EFCAB14: variants seen among roughly 807,000 people sequenced by gnomAD.
EFCAB14 encodes the protein EF-hand calcium binding domain 14.
A neutral mutation model predicts 56.5 loss-of-function variants in EFCAB14; 43 were observed. The ratio of observed to expected loss-of-function variants is 0.76; its 90% confidence interval spans 0.60 to 0.98. The LOEUF (loss-of-function observed/expected upper bound fraction) is 0.98. Among genes scored for constraint, EFCAB14 ranks in the 50% least tolerant of loss-of-function variants. EFCAB14 has a pLI of 0.00. For synonymous variants in EFCAB14, 235 were observed against 212.9 expected, an observed-to-expected ratio of 1.10 and a Z score of -0.90; for missense variants, 538 against 580.3, an observed-to-expected ratio of 0.93 and a Z score of 0.75.
intron 10 of EFCAB14, among the ~76,000 whole-genome samples, chr1:46,679,632 G>GTTTT (rs1676759195): frequency 6.2e-5 from 2 of 32,008 alleles, no homozygotes; most frequent in African/African-American, 8.1e-5. Flanking sequence ...TTTTTTTTTG[G>GTTTT]TGGAGTCTTA....
intron 2 of EFCAB14, 59 bp downstream of exon 2, chr1:46,716,236 A>G: frequency 6.7e-7 from 1 of 1,488,162 alleles, no homozygotes; most frequent in Non-Finnish European, 8.9e-7. Flanking sequence ...GCGACAGAGC[A>G]AGACCCTGTC....
chr1:46,682,855 C>T (rs1210191225), intron 10 of EFCAB14, among the ~76,000 whole-genome samples: 1 of 152,192 alleles, frequency 6.6e-6, no homozygotes, highest in Admixed American at 6.5e-5. Flanking sequence ...GAAACCCTAT[C>T]TTTACTAAAA....
intron 3 of EFCAB14, among the ~76,000 whole-genome samples, chr1:46,700,682 A>T (rs940732437): frequency 3.9e-5 from 6 of 152,226 alleles, no homozygotes; most frequent in African/African-American, 1.4e-4. Context: ...GAAATCTTAT[A>T]AAATAGCTCA....
rs751011304 is a variant in EFCAB14, at chr1:46,696,551, C to G, written c.579G>C (p.Lys193Asn). 2.5e-6 allele frequency: 4 copies of G among 1,613,052 alleles called. No homozygotes were observed. The South Asian group carries it at 4.4e-5, about 18-fold the overall frequency. ...SLPTTVEGLQ[K>N]SVASIGNTLN... ...CTCTGTACCCACACATGGCACCTAC[C>G]TTCTGAAGTCCCTCTACAGTGGTAG... Residue 193 changes from lysine to asparagine, a missense_variant and splice_region_variant, in exon 4 of 11, where the codon AAG (lysine) becomes AAC (asparagine). By Grantham distance (94) the Lys-to-Asn change is moderately conservative (BLOSUM62 0). Coordinates refer to ENST00000371933, the MANE Select transcript of EFCAB14 (RefSeq NM_014774.3).
chr1:46,683,453 A>C (rs774432217), intron 9 of EFCAB14, 28 bp from the exon 10 acceptor site: 1 of 1,600,878 alleles, frequency 6.2e-7, no homozygotes, highest in South Asian at 1.1e-5. Context: ...GGTTTTATTT[A>C]GTATTATTGA....
In EFCAB14 at chr1:46,690,510, C is replaced by T. The variant is rs951043053; in HGVS notation, c.691-819G>A. Among the ~76,000 whole-genome samples, 14 of 151,686 alleles carry T rather than the reference C, an allele frequency of 9.2e-5. 1 individual carries two copies. The East Asian group carries it at 2.7e-3, about 29-fold the overall frequency. On this transcript the variant is annotated intron_variant, in intron 5 of 10. Transcript: ENST00000371933. The stretch of plus-strand genomic sequence containing the variant: ...TTTTTATAAGAAAACCAAAAGGCAA[C>T]AATAAAGAGAAAAGGAGGAGAGAAG...
chr1:46,710,188 C>T, intron 2 of EFCAB14, among the ~76,000 whole-genome samples: 1 of 152,164 alleles, frequency 6.6e-6, no homozygotes, highest in East Asian at 1.9e-4. Context: ...TAATGACAGA[C>T]TTCCTACATG....
intron 3 of EFCAB14, among the ~76,000 whole-genome samples, chr1:46,699,533 A>G (rs1677124780): frequency 6.8e-6 from 1 of 147,626 alleles, no homozygotes; most frequent in Non-Finnish European, 1.5e-5. Context: ...GAGAATTAAC[A>G]CTCTGTGTCT....
intron 1 of EFCAB14, 123 bp from the exon 2 acceptor site, chr1:46,716,566 G>C: frequency 9.0e-7 from 1 of 1,107,718 alleles, no homozygotes; most frequent in East Asian, 2.6e-5. Flanking sequence ...GAATTAACCA[G>C]GGGAGGCAGG....
chr1:46,695,852 A>C (rs1677071188), intron 4 of EFCAB14, among the ~76,000 whole-genome samples: 1 of 151,912 alleles, frequency 6.6e-6, no homozygotes, highest in Non-Finnish European at 1.5e-5. Context: ...GCTAACTTTA[A>C]AATTTTTTGT....
intron 9 of EFCAB14, among the ~76,000 whole-genome samples, chr1:46,683,657 A>G (rs556664801): frequency 1.3e-5 from 2 of 152,230 alleles, no homozygotes; most frequent in Non-Finnish European, 2.9e-5. Flanking sequence ...CAGCAGTCCC[A>G]TTAGAAGATC....
At chr1:46,696,194 A>C (rs542854887) in intron 4 of EFCAB14, among the ~76,000 whole-genome samples, 1 of 151,896 alleles carries the variant, frequency 6.6e-6, no homozygotes, top group African/African-American at 2.4e-5. Context: ...GCTTTGATGA[A>C]GATATTGTGA....
intron 3 of EFCAB14, among the ~76,000 whole-genome samples, chr1:46,704,796 G>A (rs1255451978): frequency 6.6e-6 from 1 of 151,886 alleles, no homozygotes; most frequent in Non-Finnish European, 1.5e-5. Context: ...TAAAACCAGA[G>A]GTTTCATGAA....
Position 46,677,402 on chromosome 1 carries a change from C to T in EFCAB14, c.*1059G>A, listed in dbSNP as rs1160201421. The T allele has an allele frequency of 6.6e-6, 1 of 152,114 alleles. No individual in the cohort carries two copies. 9.4% of individuals were successfully genotyped at this position (152,114 alleles called of 1,614,324 possible). A position where few individuals can be genotyped will look rare whatever the true frequency, so the allele number is the denominator to read the frequency against. ...ATCCCCCAGAGAAACATATTAGGCTCTTGGTTAGCCTCTAGGTAAAATCTC... is the reference window on the plus strand; with the variant it reads ...ATCCCCCAGAGAAACATATTAGGCTTTTGGTTAGCCTCTAGGTAAAATCTC... On this transcript the variant is annotated 3_prime_UTR_variant, in exon 11 of 11. Coordinates refer to ENST00000371933, the MANE Select transcript of EFCAB14 (RefSeq NM_014774.3).
At chr1:46,715,123 C>T (rs367581692) in intron 2 of EFCAB14, among the ~76,000 whole-genome samples, 1 of 152,170 alleles carries the variant, frequency 6.6e-6, no homozygotes, top group South Asian at 2.1e-4. Context: ...AGAAATCTAT[C>T]AGTCCTTGCT....
In EFCAB14 at chr1:46,718,236, A is replaced by C. The variant is rs557508830; in HGVS notation, c.-149T>G. 1.4e-6 allele frequency: 1 copy of C among 690,258 alleles called. No homozygotes were observed. The highest frequency in any genetic ancestry group is 2.4e-6 in the Non-Finnish European group (1 of 418,954). 42.8% of individuals were successfully genotyped at this position (690,258 alleles called of 1,614,324 possible). On this transcript the variant is annotated 5_prime_UTR_variant, in exon 1 of 11. Transcript: ENST00000371933. ...TCACTCCCACCTAGGGGTGGGACTG[A>C]CCAGATCCGCCAGGGACTGGAGATT... is the stretch of plus-strand genomic sequence containing the variant.
At chr1:46,688,622 C>G (rs1676928614) in intron 6 of EFCAB14, 78 bp from the exon 7 acceptor site, 2 of 1,233,058 alleles carry the variant, frequency 1.6e-6, no homozygotes, top group African/African-American at 3.0e-5. Context: ...ACCGAACAAC[C>G]ATTACTATGT....
intron 7 of EFCAB14, 159 bp from the exon 8 acceptor site, chr1:46,687,029 G>A: frequency 1.5e-6 from 1 of 651,050 alleles, no homozygotes; most frequent in Non-Finnish European, 2.6e-6. Context: ...TGGGAGGAGA[G>A]AGGGAGAAAG....
intron 3 of EFCAB14, among the ~76,000 whole-genome samples, chr1:46,702,394 G>A (rs1411352382): frequency 1.3e-5 from 2 of 152,184 alleles, no homozygotes; most frequent in Non-Finnish European, 2.9e-5. Context: ...AGCACCTACT[G>A]AATCCTACAG....
Sources: gnomAD v4.1 joint callset for allele counts (sites outside exome capture counted in the v4.1 genomes callset) on GRCh38, gnomAD v4.1.1 for gene constraint, MANE v1.5 for transcripts, NCBI Gene and HGNC (gene_info 2026-07-23, HGNC 2026-07-21) for gene names.